POLR2B: variants seen among roughly 807,000 people sequenced by gnomAD.
POLR2B encodes the protein DNA-directed RNA polymerase II subunit RPB2.
Under a neutral mutation model 144.6 loss-of-function variants are expected in POLR2B, and 57 were observed. The ratio of observed to expected loss-of-function variants is 0.39; its 90% CI spans 0.32 to 0.49. The LOEUF (loss-of-function observed/expected upper bound fraction) is 0.49. Ranked by LOEUF, POLR2B falls within the 20% of genes least tolerant of loss-of-function variation. The pLI is 0.83. For synonymous variants in POLR2B, 442 were observed against 469.8 expected, an observed-to-expected ratio of 0.94 and a Z score of 0.77; for missense variants, 595 against 1,467.4, an observed-to-expected ratio of 0.41 and a Z score of 9.71.
chr4:57,017,462 G>T lies in POLR2B; in HGVS notation c.2155-98G>T. 9.5e-7 allele frequency: 1 copy of T among 1,054,738 alleles called. No homozygotes were observed. Among genetic ancestry groups the T allele is most frequent in the Non-Finnish European group, 1.4e-6 (1 of 732,590 alleles). The allele number at this position is 1,054,738 out of a possible 1,614,324, so 65.3% of individuals were successfully genotyped here. The stretch of plus-strand genomic sequence containing the variant: ...ACTTACTGTTTTTGAAAAAAATCAG[G>T]AGTTTTACCAATCATATTTCTTTTG... On this transcript the variant is annotated intron_variant, in intron 15 of 24. Transcript: ENST00000314595. The surrounding 1 kb of genome is among the most constrained non-coding windows in gnomAD (Gnocchi z 4.8).
Position 56,994,828 on chromosome 4 carries a change from GATCCTGGTGGCTA to G in POLR2B, c.539_551del (p.Asp180ValfsTer11). On this transcript the variant is annotated frameshift_variant, in exon 5 of 25. Coordinates refer to ENST00000314595, the MANE Select transcript of POLR2B (RefSeq NM_000938.3). LOFTEE classifies it high-confidence loss of function. ...TTGTGAGTTAAATGAATGCCCTTTGGATCCTGGTGGCTATTTCATTATTAATGGATCAGAAAAG... is the reference window on the plus strand; with the variant it reads ...TTGTGAGTTAAATGAATGCCCTTTGGTTTCATTATTAATGGATCAGAAAAG... The G allele has an allele frequency of 6.2e-7, 1 of 1,610,562 alleles. No homozygotes were observed. Among genetic ancestry groups the G allele is most frequent in the Non-Finnish European group, 8.5e-7 (1 of 1,177,888 alleles).
chr4:57,020,208 ATT>A lies in POLR2B; in HGVS notation c.2324-687_2324-686del, dbSNP rs1723497198. On this transcript the variant is annotated intron_variant, in intron 16 of 24. Coordinates refer to ENST00000314595, the MANE Select transcript of POLR2B (RefSeq NM_000938.3). ...GCCACCACGCCCAGCTAGTTTTTGT[ATT>A]TTTATTAGAGGTGGGGTTTCACCAT... Among the ~76,000 whole-genome samples, 8 of 151,970 alleles carry A rather than the reference ATT, an allele frequency of 5.3e-5. No individual in the cohort carries two copies. In the South Asian group the frequency reaches 1.7e-3, roughly 32 times the overall value.
chr4:57,000,885 G>A (rs1380944326), intron 7 of POLR2B, among the ~76,000 whole-genome samples: 5 of 151,650 alleles, frequency 3.3e-5, no homozygotes, highest in African/African-American at 1.2e-4. Flanking sequence ...TAGTAGAGAC[G>A]GGGTTTCACT....
chr4:57,005,035 A>G (rs1440474376), intron 7 of POLR2B, among the ~76,000 whole-genome samples: 1 of 152,120 alleles, frequency 6.6e-6, no homozygotes, highest in African/African-American at 2.4e-5. Flanking sequence ...TAGAAAGGTA[A>G]TTGCCTGTGC....
In POLR2B at chr4:57,023,066, A is replaced by C. The variant is rs1723602176; in HGVS notation, c.2516-264A>C. On this transcript the variant is annotated intron_variant, in intron 18 of 24. Transcript: ENST00000314595. This position sits in a 1 kb window ranked among gnomAD's most constrained non-coding sequence, Gnocchi z 4.3. ...CAGAAGATGACAAAAAACATATCCA[A>C]AGTCACTCGATAAATGTCTGTCATG... Among the ~76,000 whole-genome samples the C allele has an allele frequency of 6.6e-6, 1 of 152,204 alleles. No homozygotes were observed. The highest frequency in any genetic ancestry group is 1.5e-5 in the Non-Finnish European group (1 of 68,042).
chr4:57,026,271 G>A (rs73242631), intron 23 of POLR2B, among the ~76,000 whole-genome samples: 10,541 of 151,656 alleles, frequency 0.07, 589 homozygotes, highest in East Asian at 0.21. Flanking sequence ...TAGAGACGGG[G>A]GTCTCACTAT....
intron 1 of POLR2B, among the ~76,000 whole-genome samples, chr4:56,980,199 T>G (rs1195703103): frequency 1.3e-5 from 2 of 152,006 alleles, no homozygotes; most frequent in African/African-American, 4.8e-5. Flanking sequence ...GTGCTGGGAT[T>G]ACAAGCATGA....
chr4:57,006,301 CTT>C (rs1355787579), intron 9 of POLR2B, among the ~76,000 whole-genome samples: 1 of 152,100 alleles, frequency 6.6e-6, no homozygotes, highest in African/African-American at 2.4e-5. Flanking sequence ...TAAGGAGCCT[CTT>C]TTAACATTTT....
intron 6 of POLR2B, among the ~76,000 whole-genome samples, chr4:56,996,878 G>C (rs1722706757): frequency 1.3e-5 from 2 of 152,008 alleles, no homozygotes; most frequent in African/African-American, 4.8e-5. Context: ...TTGAGCCCGG[G>C]ATGTGAGACC....
intron 3 of POLR2B, among the ~76,000 whole-genome samples, 168 bp downstream of exon 3, chr4:56,991,066 GT>G (rs201442738): frequency 6.6e-6 from 1 of 152,096 alleles, no homozygotes; most frequent in African/African-American, 2.4e-5. Flanking sequence ...GAAGAGGTGT[GT>G]TTTTTTGCAA....
chr4:56,996,892 C>T (rs1319885299), intron 6 of POLR2B, among the ~76,000 whole-genome samples: 1 of 151,934 alleles, frequency 6.6e-6, no homozygotes, highest in Non-Finnish European at 1.5e-5. Context: ...TGAGACCAGC[C>T]TGGGCAACAT....
Position 57,031,114 on chromosome 4 carries a change from C to T in POLR2B, c.*126C>T. 5.5e-6 allele frequency: 4 copies of T among 722,334 alleles called. No individual in the cohort carries two copies. Among genetic ancestry groups the T allele is most frequent in the Admixed American group, 2.6e-5 (1 of 38,840 alleles). The allele number at this position is 722,334 out of a possible 1,614,324, so 44.7% of individuals were successfully genotyped here. On this transcript the variant is annotated 3_prime_UTR_variant, in exon 25 of 25. Transcript: ENST00000314595. ...AGTATTTTATTTGTTTAATGATATGCATGCTTTTCTTCTGTAAATATATAA... is the reference window on the plus strand; with the variant it reads ...AGTATTTTATTTGTTTAATGATATGTATGCTTTTCTTCTGTAAATATATAA...
At chr4:56,981,351 G>A (rs937039651) in intron 1 of POLR2B, among the ~76,000 whole-genome samples, 1 of 150,988 alleles carries the variant, frequency 6.6e-6, no homozygotes, top group Admixed American at 6.6e-5. Flanking sequence ...AGTCATTTTC[G>A]GGTTCAAACA....
intron 3 of POLR2B, among the ~76,000 whole-genome samples, chr4:56,992,552 G>C (rs1164172915): frequency 7.5e-6 from 1 of 133,568 alleles, no homozygotes; most frequent in East Asian, 2.6e-4. Flanking sequence ...TGTGATTTTG[G>C]CTTATCTATT....
intron 1 of POLR2B, 89 bp downstream of exon 1, chr4:56,979,093 C>A: frequency 6.7e-6 from 9 of 1,350,984 alleles, no homozygotes; most frequent in Non-Finnish European, 9.6e-6. Flanking sequence ...TGGGGCCTTC[C>A]CATGCGCCGG....
chr4:56,980,175 C>T (rs1722112560), intron 1 of POLR2B, among the ~76,000 whole-genome samples: 1 of 150,726 alleles, frequency 6.6e-6, no homozygotes, highest in Non-Finnish European at 1.5e-5. Flanking sequence ...ATCTGCCTGT[C>T]TCGGCCTCCC....
chr4:57,021,689 C>T (rs1017606526), intron 17 of POLR2B, among the ~76,000 whole-genome samples: 4 of 151,706 alleles, frequency 2.6e-5, no homozygotes, highest in Admixed American at 6.6e-5. Context: ...TTAGTAGAGA[C>T]GGGGTTTCAC....
Position 56,990,817 on chromosome 4 carries a change from T to A in POLR2B, c.162T>A (p.Ser54=), listed in dbSNP as rs774280789. ...CTTTTGATGAGTTTATTCAGATGTC[T>A]GTTCAAAGAATTGTGGAAGACGCTC... ...LDSFDEFIQM[S]VQRIVEDAPP... is the part of the protein sequence containing the mutation. Residue 54 remains serine, a synonymous_variant, in exon 3 of 25, where the codon TCT becomes TCA. Coordinates refer to ENST00000314595, the MANE Select transcript of POLR2B (RefSeq NM_000938.3). The A allele has an allele frequency of 6.2e-7, 1 of 1,613,632 alleles. No individual in the cohort carries two copies. Among genetic ancestry groups the A allele is most frequent in the South Asian group, 1.1e-5 (1 of 91,050 alleles).
At chr4:57,012,998 G>T (rs1259802278) in intron 13 of POLR2B, among the ~76,000 whole-genome samples, 1 of 152,102 alleles carries the variant, frequency 6.6e-6, no homozygotes, top group Non-Finnish European at 1.5e-5. Context: ...CTGCCACCAT[G>T]CCTGGCTAAT....
Sources: gnomAD v4.1 joint callset for allele counts (sites outside exome capture counted in the v4.1 genomes callset) on GRCh38, gnomAD v4.1.1 for gene constraint, Gnocchi (gnomAD v3.1) non-coding constraint, MANE v1.5 for transcripts, NCBI Gene and HGNC (gene_info 2026-07-23, HGNC 2026-07-21) for gene names.